CAMK2G: variants seen among roughly 807,000 people sequenced by gnomAD.
The protein encoded by CAMK2G is calcium/calmodulin dependent protein kinase II gamma.
In CAMK2G, 23 loss-of-function variants were observed where a neutral mutation model predicts 88.7. The ratio of observed to expected loss-of-function variants is 0.26; its 90% CI spans 0.19 to 0.37. The LOEUF (loss-of-function observed/expected upper bound fraction) is 0.37, where lower values mean the gene tolerates loss of function less well. Ranked by LOEUF, CAMK2G falls within the 10% of genes least tolerant of loss-of-function variation. CAMK2G has a pLI of 1.00. For synonymous variants in CAMK2G, 263 were observed against 294.8 expected (o/e 0.89, Z 1.11); for missense variants, 476 against 780.8 (o/e 0.61, Z 4.65).
chr10:73,842,332 G>C lies in CAMK2G; in HGVS notation c.904-121C>G. On this transcript the variant is annotated intron_variant, in intron 11 of 22. Transcript: ENST00000423381. The surrounding 1 kb of genome is among the most constrained non-coding windows in gnomAD (Gnocchi z 4.6). ...ATCAGGCCTCTGGGCCCCCTCCCCTGTGACATGTACAACCTTCAGAGCCCA... is the reference window on the plus strand; with the variant it reads ...ATCAGGCCTCTGGGCCCCCTCCCCTCTGACATGTACAACCTTCAGAGCCCA... 3 of 1,151,476 alleles carry C rather than the reference G, an allele frequency of 2.6e-6. No individual in the cohort carries two copies. Among genetic ancestry groups the C allele is most frequent in the Non-Finnish European group, 3.9e-6 (3 of 760,226 alleles). 71.3% of individuals were successfully genotyped at this position (1,151,476 alleles called of 1,614,324 possible). A position where few individuals can be genotyped will look rare whatever the true frequency, so the allele number is the denominator to read the frequency against.
intron 2 of CAMK2G, among the ~76,000 whole-genome samples, chr10:73,872,420 T>G (rs2095865369): frequency 6.6e-6 from 1 of 152,144 alleles, no homozygotes; most frequent in African/African-American, 2.4e-5. Context: ...ACTTTGTAAT[T>G]TGATCAAAAA....
At chr10:73,844,783 C>T (rs937288844) in intron 10 of CAMK2G, among the ~76,000 whole-genome samples, 3 of 152,122 alleles carry the variant, frequency 2.0e-5, no homozygotes, top group African/African-American at 7.2e-5. Context: ...CCCCTCCTCA[C>T]CCTCACTCCC....
chr10:73,851,331 C>T (rs560697482), intron 5 of CAMK2G, among the ~76,000 whole-genome samples: 1 of 152,218 alleles, frequency 6.6e-6, no homozygotes, highest in East Asian at 1.9e-4. Context: ...GCTGAACAGG[C>T]GCCTGAGAGC....
chr10:73,832,372 A>C (rs1034984064), intron 14 of CAMK2G, among the ~76,000 whole-genome samples: 3 of 151,650 alleles, frequency 2.0e-5, no homozygotes, highest in South Asian at 4.2e-4. Flanking sequence ...GCAGTGGCGC[A>C]CTTGGCTCAC....
In CAMK2G at chr10:73,813,971, G is replaced by A. The variant is rs1486990663; in HGVS notation, c.*547C>T. 2 of 152,692 alleles carry A rather than the reference G, an allele frequency of 1.3e-5. No individual in the cohort carries two copies. The highest frequency in any genetic ancestry group is 4.8e-5 in the African/African-American group (2 of 41,470). The allele number at this position is 152,692 out of a possible 1,614,324, so 9.5% of individuals were successfully genotyped here. On this transcript the variant is annotated 3_prime_UTR_variant, in exon 23 of 23. Transcript: ENST00000423381. ...CCCAAGTAGGTCTGATGGTCACGAT[G>A]TTCTCATCAGCCCCATTCTAGGCGC... is the stretch of plus-strand genomic sequence containing the variant.
intron 4 of CAMK2G, chr10:73,852,916 A>G: frequency 2.1e-6 from 1 of 481,926 alleles, no homozygotes; most frequent in Non-Finnish European, 3.7e-6. Flanking sequence ...AGGACAGCAC[A>G]CTGAGAAACA....
intron 20 of CAMK2G, 131 bp from the exon 21 acceptor site, chr10:73,817,248 C>T: frequency 7.7e-7 from 1 of 1,291,374 alleles, no homozygotes; most frequent in Non-Finnish European, 1.1e-6. Flanking sequence ...CAAAGATCTT[C>T]CAGGCCTGCC....
chr10:73,815,369 G>GACCCCCCCC (rs2085052398), intron 21 of CAMK2G, 122 bp from the exon 22 acceptor site: 1 of 619,308 alleles, frequency 1.6e-6, no homozygotes, highest in African/African-American at 2.1e-5. Flanking sequence ...TCCAAGTACC[G>GACCCCCCCC]CCCCCCCCCA....
At chr10:73,852,526 G>A (rs1385211776) in intron 4 of CAMK2G, 3 of 554,694 alleles carry the variant, frequency 5.4e-6, no homozygotes, top group Admixed American at 6.4e-5. Context: ...CCTTCCTTCC[G>A]GACATTTCTT....
chr10:73,820,488 A>ATTTTTTT (rs1285081250), intron 18 of CAMK2G, among the ~76,000 whole-genome samples: 3 of 46,528 alleles, frequency 6.4e-5, no homozygotes, highest in African/African-American at 2.2e-4. Context: ...ATATATATAT[A>ATTTTTTT]TATATTTTTT....
intron 15 of CAMK2G, among the ~76,000 whole-genome samples, chr10:73,826,562 C>T (rs1034275040): frequency 1.3e-5 from 2 of 152,208 alleles, no homozygotes; most frequent in African/African-American, 2.4e-5. Context: ...ATGTGATGTT[C>T]TTTGCCTCTG....
chr10:73,833,778 T>C (rs1171210471), intron 14 of CAMK2G, among the ~76,000 whole-genome samples: 3 of 151,786 alleles, frequency 2.0e-5, no homozygotes, highest in African/African-American at 7.3e-5. Flanking sequence ...TTTGTATTTT[T>C]AGTAGAGAGG....
At chr10:73,816,856 C>T in intron 21 of CAMK2G, 167 bp downstream of exon 21, 2 of 1,592,590 alleles carry the variant, frequency 1.3e-6, no homozygotes, top group South Asian at 1.1e-5. Flanking sequence ...TCAAAGGTGC[C>T]TGTCTACAAC....
intron 19 of CAMK2G, among the ~76,000 whole-genome samples, chr10:73,819,203 C>T (rs138716861): frequency 6.6e-6 from 1 of 152,166 alleles, no homozygotes; most frequent in African/African-American, 2.4e-5. Flanking sequence ...CACTCCCACC[C>T]CCACAGACCT....
intron 17 of CAMK2G, among the ~76,000 whole-genome samples, chr10:73,823,168 C>T (rs71471644): frequency 6.6e-6 from 1 of 151,912 alleles, no homozygotes; most frequent in East Asian, 1.9e-4. Flanking sequence ...GGCCCTCTCT[C>T]TACTTTCTGC....
At chr10:73,816,669 C>T (rs1268915337) in intron 21 of CAMK2G, 1 of 887,428 alleles carries the variant, frequency 1.1e-6, no homozygotes, top group South Asian at 1.5e-5. Context: ...CCGTGTTAGC[C>T]AGGATGGCCT....
At chr10:73,837,648 C>A in intron 13 of CAMK2G, 137 bp from the exon 14 acceptor site, 6 of 762,936 alleles carry the variant, frequency 7.9e-6, no homozygotes, top group Non-Finnish European at 1.2e-5. Context: ...AAAAGAGGCA[C>A]TTCCTATAGC....
chr10:73,817,079 T>G lies in CAMK2G; in HGVS notation c.1478A>C (p.Glu493Ala). The G allele has an allele frequency of 6.2e-7, 1 of 1,613,700 alleles. No homozygotes were observed. The highest frequency in any genetic ancestry group is 8.5e-7 in the Non-Finnish European group (1 of 1,179,790). ...CDPGLTSFEP[E>A]ALGNLVEGMD... is the part of the protein sequence containing the mutation. ...CCCCTCCACGAGGTTACCAAGGGCCTCAGGCTCAAAGGAAGTGAGGCCTGG... is the reference window on the plus strand; with the variant it reads ...CCCCTCCACGAGGTTACCAAGGGCCGCAGGCTCAAAGGAAGTGAGGCCTGG... The change falls in exon 21 of 23, where the codon GAG becomes GCG. Residue 493 changes from glutamate (E) to alanine (A), a missense_variant. Glu to Ala is a moderately radical substitution (Grantham distance 107). Coordinates refer to ENST00000423381, the MANE Select transcript of CAMK2G (RefSeq NM_001367534.1).
intron 19 of CAMK2G, chr10:73,818,862 C>G (rs1359982681): frequency 2.2e-6 from 1 of 455,894 alleles, no homozygotes; most frequent in Non-Finnish European, 4.4e-6. Context: ...GGAGGAAAAG[C>G]AGCAGACAAA....
Sources: gnomAD v4.1 joint callset for allele counts (sites outside exome capture counted in the v4.1 genomes callset) on GRCh38, gnomAD v4.1.1 for gene constraint, Gnocchi (gnomAD v3.1) non-coding constraint, MANE v1.5 for transcripts, NCBI Gene and HGNC (gene_info 2026-07-23, HGNC 2026-07-21) for gene names.